Variants in PRKAR2A observed in about 807,000 individuals in gnomAD.
PRKAR2A encodes protein kinase cAMP-dependent type II regulatory subunit alpha.
In PRKAR2A, 29 loss-of-function variants were observed where a neutral mutation model predicts 51.9. That is an observed-to-expected ratio of 0.56 (90% confidence interval 0.42 to 0.76). The LOEUF is 0.76. PRKAR2A is among the 30% of genes least tolerant of loss of function. The pLI is 0.00. For missense variants in PRKAR2A, 445 were observed against 512.1 expected (o/e 0.87, Z 1.26); for synonymous variants, 178 against 186.2 (o/e 0.96, Z 0.36).
chr3:48,846,624 T>C (rs2083467526), intron 1 of PRKAR2A, among the ~76,000 whole-genome samples: 2 of 152,206 alleles, frequency 1.3e-5, no homozygotes, highest in African/African-American at 2.4e-5. Flanking sequence ...GTAGCTGGTA[T>C]AGACTATAGG....
chr3:48,780,737 G>T (rs991263277), intron 5 of PRKAR2A, among the ~76,000 whole-genome samples: 2 of 151,818 alleles, frequency 1.3e-5, no homozygotes, highest in African/African-American at 4.8e-5. Flanking sequence ...AAGAAGAAAG[G>T]CAACCAATGT....
intron 1 of PRKAR2A, among the ~76,000 whole-genome samples, chr3:48,817,985 A>G (rs994726679): frequency 3.3e-5 from 5 of 152,226 alleles, no homozygotes; most frequent in African/African-American, 1.2e-4. Context: ...AAATCTTGCA[A>G]TCTACAAGAG....
intron 1 of PRKAR2A, among the ~76,000 whole-genome samples, chr3:48,832,982 T>C (rs753132172): frequency 2.6e-5 from 4 of 152,198 alleles, no homozygotes; most frequent in Non-Finnish European, 4.4e-5. Context: ...TATGAGTCTG[T>C]AGCTTGTCCA....
chr3:48,838,037 G>C (rs1405691518), intron 1 of PRKAR2A, among the ~76,000 whole-genome samples: 2 of 151,986 alleles, frequency 1.3e-5, no homozygotes, highest in African/African-American at 4.8e-5. Flanking sequence ...AATTAGCCGG[G>C]TGTGGTGGCG....
chr3:48,788,641 T>G (rs1436047683), intron 4 of PRKAR2A, among the ~76,000 whole-genome samples: 1 of 152,092 alleles, frequency 6.6e-6, no homozygotes, highest in East Asian at 1.9e-4. Flanking sequence ...GGTAAGGCCT[T>G]TACATGATCA....
intron 1 of PRKAR2A, among the ~76,000 whole-genome samples, chr3:48,822,011 G>C (rs1208004286): frequency 1.3e-5 from 2 of 151,782 alleles, no homozygotes; most frequent in Non-Finnish European, 2.9e-5. Flanking sequence ...CAGATCACTT[G>C]ATGTCAGTTC....
chr3:48,759,985 G>A (rs1222097497), intron 8 of PRKAR2A, among the ~76,000 whole-genome samples: 1 of 152,174 alleles, frequency 6.6e-6, no homozygotes, highest in Non-Finnish European at 1.5e-5. Flanking sequence ...GCCACCTTCT[G>A]TCTACATTAC....
In PRKAR2A at chr3:48,751,624, C is replaced by G. The variant is rs747300998; in HGVS notation, c.1176G>C (p.Met392Ile). 1.2e-6 allele frequency: 2 copies of G among 1,613,812 alleles called. No individual in the cohort carries two copies. Among genetic ancestry groups the G allele is most frequent in the Admixed American group, 3.3e-5 (2 of 60,016 alleles). ...TGCCCAGATCCACGCTGGAGCCAAA[C>G]ATCTTCACCAGCTGTTCCTCATAGT... Reference protein sequence around the residue: ...ISHYEEQLVKMFGSSVDLGNL... With the variant: ...ISHYEEQLVKIFGSSVDLGNL... Residue 392 changes from methionine (M) to isoleucine (I), a missense_variant, in exon 11 of 11, where the codon ATG (methionine) becomes ATC (isoleucine). By Grantham distance (10) the Met-to-Ile change is conservative. Transcript: ENST00000265563.
intron 1 of PRKAR2A, among the ~76,000 whole-genome samples, chr3:48,829,864 TA>T (rs2083155067): frequency 4.9e-5 from 4 of 81,934 alleles, no homozygotes; most frequent in African/African-American, 2.3e-4. Context: ...TATATATATA[TA>T]TATATATTTT....
chr3:48,801,986 T>C (rs1231609705), intron 2 of PRKAR2A, among the ~76,000 whole-genome samples: 1 of 152,202 alleles, frequency 6.6e-6, no homozygotes, highest in Non-Finnish European at 1.5e-5. Flanking sequence ...CTCGGTTCAC[T>C]GCAAACTCTG....
At chr3:48,773,936 TAGCAATCCTCTCACCTCAGCCCC>T (rs1016615982) in intron 5 of PRKAR2A, among the ~76,000 whole-genome samples, 21 of 136,306 alleles carry the variant, frequency 1.5e-4, no homozygotes, top group South Asian at 5.5e-4. Flanking sequence ...CTCAGCCCCC[TAGCAATCCTCTCACCTCAGCCCC>T]GAGTAGCTGT....
rs545786065 is a variant in PRKAR2A, at chr3:48,764,890, G to A, written c.873+114C>T. ...TCCACCTGCCTCAGCCTCCCGAAGT[G>A]TTGGGATTACAGGCGTGAGCCACTG... is the stretch of plus-strand genomic sequence containing the variant. On this transcript the variant is annotated intron_variant, in intron 8 of 10. Coordinates refer to ENST00000265563, the MANE Select transcript of PRKAR2A (RefSeq NM_004157.4). 133 of 877,450 alleles carry A rather than the reference G, an allele frequency of 1.5e-4. 1 individual carries two copies. Among genetic ancestry groups the A allele is most frequent in the Non-Finnish European group, 2.0e-4 (110 of 562,364 alleles). 54.4% of individuals were successfully genotyped at this position (877,450 alleles called of 1,614,324 possible). A position where few individuals can be genotyped will look rare whatever the true frequency, so the allele number is the denominator to read the frequency against.
chr3:48,783,053 T>G lies in PRKAR2A; in HGVS notation c.475A>C (p.Ile159Leu). ...ATGACATGCTCATCAGCTTTGACTA[T>G]CCTTTCAAACATGGCATCGAGAACT... Reference protein sequence around the residue: ...SQVLDAMFERIVKADEHVIDQ... With the variant: ...SQVLDAMFERLVKADEHVIDQ... Residue 159 changes from isoleucine to leucine, a missense_variant, in exon 5 of 11, where the codon ATA (isoleucine) becomes CTA (leucine). Transcript: ENST00000265563. The G allele has an allele frequency of 6.2e-7, 1 of 1,613,876 alleles. No homozygotes were observed. Among genetic ancestry groups the G allele is most frequent in the Non-Finnish European group, 8.5e-7 (1 of 1,179,970 alleles).
chr3:48,836,169 C>G (rs1328273712), intron 1 of PRKAR2A, among the ~76,000 whole-genome samples: 1 of 151,796 alleles, frequency 6.6e-6, no homozygotes. Flanking sequence ...CCTGTAATCC[C>G]AGCACTCTGG....
intron 3 of PRKAR2A, among the ~76,000 whole-genome samples, chr3:48,793,528 C>T (rs1175237870): frequency 6.6e-6 from 1 of 152,166 alleles, no homozygotes; most frequent in African/African-American, 2.4e-5. Context: ...CCACCTCAAC[C>T]TCCCAAAGTG....
intron 2 of PRKAR2A, 46 bp downstream of exon 2, chr3:48,807,603 T>C (rs763917927): frequency 1.4e-5 from 20 of 1,410,618 alleles, no homozygotes; most frequent in Non-Finnish European, 2.0e-5. Flanking sequence ...TATATTCCTA[T>C]CTTAAAATAA....
At chr3:48,783,547 C>A (rs183125360) in intron 4 of PRKAR2A, among the ~76,000 whole-genome samples, 2 of 152,128 alleles carry the variant, frequency 1.3e-5, no homozygotes, top group African/African-American at 2.4e-5. Context: ...TAGCGAAACA[C>A]GTCACTTAAC....
intron 1 of PRKAR2A, among the ~76,000 whole-genome samples, chr3:48,843,431 A>G (rs969349027): frequency 1.3e-5 from 2 of 152,146 alleles, no homozygotes; most frequent in Non-Finnish European, 2.9e-5. Flanking sequence ...TATAGATTCA[A>G]TGCCATCCCC....
rs111573341 is a variant in PRKAR2A, at chr3:48,839,889, C to T, written c.262+7446G>A. ...TGTGGTAAGATGTACATAAAATGTG[C>T]CACTTCACCATTTTAAGTGTACAAT... On this transcript the variant is annotated intron_variant, in intron 1 of 10. Transcript: ENST00000265563. Among the ~76,000 whole-genome samples, 8 of 152,136 alleles carry T rather than the reference C, an allele frequency of 5.3e-5. 1 individual carries two copies. The highest frequency in any genetic ancestry group is 2.1e-4 in the South Asian group (1 of 4,824).
Sources: gnomAD v4.1 joint callset for allele counts (sites outside exome capture counted in the v4.1 genomes callset) on GRCh38, gnomAD v4.1.1 for gene constraint, MANE v1.5 for transcripts, NCBI Gene and HGNC (gene_info 2026-07-23, HGNC 2026-07-21) for gene names.